Variants in ABHD2 observed in about 807,000 individuals in gnomAD.
ABHD2 encodes abhydrolase domain containing 2, acylglycerol lipase.
A neutral mutation model predicts 48.1 loss-of-function variants in ABHD2; 20 were observed. That is an observed-to-expected ratio of 0.42 (90% CI 0.29 to 0.60). The LOEUF is 0.60. Ranked by LOEUF, ABHD2 falls within the 20% of genes least tolerant of loss-of-function variation. The pLI, the probability that ABHD2 is intolerant of heterozygous loss-of-function variation, is 0.24. For synonymous variants in ABHD2, 209 were observed against 214.2 expected, an observed-to-expected ratio of 0.98 and a Z score of 0.21; for missense variants, 405 against 550.9, an observed-to-expected ratio of 0.74 and a Z score of 2.65.
In ABHD2 at chr15:89,185,514, C is replaced by T. The variant is rs771433362; in HGVS notation, c.813C>T (p.His271=). The part of the protein sequence containing the change: ...ADNMKKIILS[H]RQALFGDHVK... Reference sequence around the variant, plus strand: ...ACATGAAGAAGATCATCCTCTCGCACAGGTAGGTCACCTTCCGTTCTCTCT... The same window carrying T: ...ACATGAAGAAGATCATCCTCTCGCATAGGTAGGTCACCTTCCGTTCTCTCT... Residue 271 remains histidine (H), a splice_region_variant and synonymous_variant, in exon 7 of 11, where the codon CAC becomes CAT. Transcript: ENST00000352732. This position sits in a 1 kb window ranked among gnomAD's most constrained non-coding sequence, Gnocchi z 5.9. 1.5e-5 allele frequency: 25 copies of T among 1,613,604 alleles called. No individual in the cohort carries two copies. Among genetic ancestry groups the T allele is most frequent in the African/African-American group, 4.0e-5 (3 of 74,914 alleles).
chr15:89,067,698 C>G, the ABHD2 span, among the ~76,000 whole-genome samples: 1 of 152,196 alleles, frequency 6.6e-6, no homozygotes, highest in Non-Finnish European at 1.5e-5. Flanking sequence ...CTCGAACACC[C>G]CAGATGTCTT....
chr15:89,079,429 C>G, the ABHD2 span, among the ~76,000 whole-genome samples: 1 of 152,116 alleles, frequency 6.6e-6, no homozygotes, highest in Non-Finnish European at 1.5e-5. The surrounding 1 kb of genome is among the most constrained non-coding windows in gnomAD (Gnocchi z 4.3). Flanking sequence ...GTTTCTTTCT[C>G]CCAGAAGAAG....
chr15:89,041,749 C>T, the ABHD2 span, among the ~76,000 whole-genome samples: 1 of 152,224 alleles, frequency 6.6e-6, no homozygotes, highest in African/African-American at 2.4e-5. Context: ...GTCTGCCCTG[C>T]TGACCAGGCA....
At chr15:89,147,570 G>C (rs2050515366) in intron 3 of ABHD2, among the ~76,000 whole-genome samples, 1 of 150,604 alleles carries the variant, frequency 6.6e-6, no homozygotes, top group South Asian at 2.1e-4. Flanking sequence ...AGCCAGGATG[G>C]TCTCGATCTC....
Position 89,182,769 on chromosome 15 carries a change from A to C in ABHD2, c.723-2655A>C, listed in dbSNP as rs1182957213. Among the ~76,000 whole-genome samples the C allele has an allele frequency of 6.6e-6, 1 of 152,156 alleles. No individual in the cohort carries two copies. Among genetic ancestry groups the C allele is most frequent in the Non-Finnish European group, 1.5e-5 (1 of 68,008 alleles). On this transcript the variant is annotated intron_variant, in intron 6 of 10. Transcript: ENST00000352732. This position sits in a 1 kb window ranked among gnomAD's most constrained non-coding sequence, Gnocchi z 4.8. ...GATCACACCACTGCACTCCAGCCTG[A>C]GCAACAGAGTGAGACTCCATCTCAA...
chr15:89,049,137 CCCGG>C, the ABHD2 span, among the ~76,000 whole-genome samples: 6 of 151,988 alleles, frequency 3.9e-5, no homozygotes, highest in South Asian at 2.1e-4. Context: ...TGTTGGAGTA[CCCGG>C]CCGGCCGTGT....
Position 89,195,153 on chromosome 15 carries a change from C to A in ABHD2, c.1082-74C>A, listed in dbSNP as rs779858458. 8.8e-5 allele frequency: 135 copies of A among 1,533,466 alleles called. 1 individual carries two copies. Among genetic ancestry groups the A allele is most frequent in the Non-Finnish European group, 1.1e-4 (128 of 1,133,736 alleles). The allele number at this position is 1,533,466 out of a possible 1,614,324, so 95.0% of individuals were successfully genotyped here. On this transcript the variant is annotated intron_variant, in intron 10 of 10. Transcript: ENST00000352732. The surrounding 1 kb of genome is among the most constrained non-coding windows in gnomAD (Gnocchi z 5.1). ...GCGGGGACAGCCAGGCTACCCTAGC[C>A]AGCTCACCTCTGCACCTCCTGTCCT... is the stretch of plus-strand genomic sequence containing the variant.
chr15:89,110,744 A>G (rs754472666), intron 1 of ABHD2, among the ~76,000 whole-genome samples: 2 of 152,176 alleles, frequency 1.3e-5, no homozygotes, highest in Non-Finnish European at 2.9e-5. Flanking sequence ...GTTGGACCAC[A>G]ATAATTATAA....
At chr15:89,063,174 G>T in the ABHD2 span, among the ~76,000 whole-genome samples, 1 of 151,826 alleles carries the variant, frequency 6.6e-6, no homozygotes, top group Non-Finnish European at 1.5e-5. Context: ...TACCATGTTG[G>T]CCAGGCTGGT....
chr15:89,178,439 G>C (rs539567790), intron 6 of ABHD2, among the ~76,000 whole-genome samples: 1 of 152,154 alleles, frequency 6.6e-6, no homozygotes, highest in East Asian at 1.9e-4. Flanking sequence ...GGGGAGGCCC[G>C]TCTGCCTCTG....
chr15:89,061,619 C>T, the ABHD2 span, among the ~76,000 whole-genome samples: 5 of 152,026 alleles, frequency 3.3e-5, no homozygotes, highest in African/African-American at 1.2e-4. Context: ...ATCACCCAGA[C>T]TGGAGTGCAG....
At chr15:89,149,187 C>G (rs28550796) in intron 3 of ABHD2, among the ~76,000 whole-genome samples, 2,645 of 151,072 alleles carry the variant, frequency 0.018, 63 homozygotes, top group African/African-American at 0.06. Context: ...GAGAAAGTCC[C>G]AAGTGATTGT....
At chr15:89,050,070 G>A in the ABHD2 span, among the ~76,000 whole-genome samples, 1 of 152,178 alleles carries the variant, frequency 6.6e-6, no homozygotes, top group Non-Finnish European at 1.5e-5. Context: ...GAGGTAGAAA[G>A]AATTTCATAG....
chr15:89,198,285 G>A lies in ABHD2; in HGVS notation c.*2862G>A, dbSNP rs998013920. 1 of 152,214 alleles carries A rather than the reference G, an allele frequency of 6.6e-6. No homozygotes were observed. The highest frequency in any genetic ancestry group is 2.4e-5 in the African/African-American group (1 of 41,450). The allele number at this position is 152,214 out of a possible 1,614,324, so 9.4% of individuals were successfully genotyped here. On this transcript the variant is annotated 3_prime_UTR_variant, in exon 11 of 11. Coordinates refer to ENST00000352732, the MANE Select transcript of ABHD2 (RefSeq NM_152924.5). This position sits in a 1 kb window ranked among gnomAD's most constrained non-coding sequence, Gnocchi z 5.1. ...ATAATATGTTAAAAACCAATGGGGA[G>A]AAGCACCCACATCTCTCCTGTAGCA...
chr15:89,101,935 C>T (rs1442263491), intron 1 of ABHD2, among the ~76,000 whole-genome samples: 1 of 152,224 alleles, frequency 6.6e-6, no homozygotes, highest in African/African-American at 2.4e-5. Context: ...TATGACCTCA[C>T]TTCAGCCCCT....
At chr15:89,062,101 A>G in the ABHD2 span, among the ~76,000 whole-genome samples, 2 of 152,142 alleles carry the variant, frequency 1.3e-5, no homozygotes, top group East Asian at 3.9e-4. Flanking sequence ...GCCTGAGGTT[A>G]TTTCAAAAAT....
chr15:89,042,923 T>C, the ABHD2 span, among the ~76,000 whole-genome samples: 4 of 152,108 alleles, frequency 2.6e-5, no homozygotes, highest in Non-Finnish European at 5.9e-5. Context: ...CCGCCTCAAC[T>C]TCCCAAAGTG....
At chr15:89,171,577 A>C (rs1567102792) in intron 5 of ABHD2, among the ~76,000 whole-genome samples, 1 of 152,158 alleles carries the variant, frequency 6.6e-6, no homozygotes. Flanking sequence ...GTTGTGTTGA[A>C]CGGCGATGTG....
At chr15:89,191,264 A>G in intron 9 of ABHD2, 115 bp downstream of exon 9, 6 of 1,018,816 alleles carry the variant, frequency 5.9e-6, no homozygotes, top group Non-Finnish European at 8.8e-6. Context: ...TCTGGCTCCA[A>G]CCGCTCTTTT....
Sources: gnomAD v4.1 joint callset for allele counts (sites outside exome capture counted in the v4.1 genomes callset) on GRCh38, gnomAD v4.1.1 for gene constraint, Gnocchi (gnomAD v3.1) non-coding constraint, MANE v1.5 for transcripts, NCBI Gene and HGNC (gene_info 2026-07-23, HGNC 2026-07-21) for gene names.